FOXP1: variants seen among roughly 807,000 people sequenced by gnomAD.
FOXP1 encodes forkhead box protein P1.
A neutral mutation model predicts 98.2 loss-of-function variants in FOXP1; 15 were observed. The ratio of observed to expected loss-of-function variants is 0.15; its 90% CI spans 0.10 to 0.24. The LOEUF is 0.24. Ranked by LOEUF, FOXP1 falls within the 10% of genes least tolerant of loss-of-function variation. The pLI is 1.00. For missense variants in FOXP1, 633 were observed against 848.5 expected (o/e 0.75, Z 3.15); for synonymous variants, 371 against 314.5 (o/e 1.18, Z -1.90).
intron 4 of FOXP1, among the ~76,000 whole-genome samples, chr3:71,335,704 G>A (rs1176901587): frequency 3.3e-5 from 5 of 152,098 alleles, no homozygotes; most frequent in Non-Finnish European, 7.4e-5. Context: ...TCAATTCTCA[G>A]GTAAGAAATG....
intron 3 of FOXP1, among the ~76,000 whole-genome samples, chr3:71,445,993 G>C (rs971852991): frequency 2.6e-4 from 39 of 152,230 alleles, no homozygotes; most frequent in African/African-American, 8.2e-4. Flanking sequence ...CGGCCTATGT[G>C]TGTCTTTTAA....
At chr3:71,199,631 T>A (rs937709316) in intron 5 of FOXP1, among the ~76,000 whole-genome samples, 3 of 151,604 alleles carry the variant, frequency 2.0e-5, no homozygotes, top group African/African-American at 7.3e-5. Flanking sequence ...TCCCAGCTAC[T>A]CGGGAAGCTG....
chr3:71,008,250 C>T (rs1279021853), intron 12 of FOXP1, among the ~76,000 whole-genome samples: 2 of 152,054 alleles, frequency 1.3e-5, no homozygotes, highest in East Asian at 3.9e-4. Flanking sequence ...AAATCTACTC[C>T]TCATTTTGCC....
rs970926440 is a variant in FOXP1, at chr3:71,486,409, T to C, written c.-168+7017A>G. 6.6e-5 allele frequency among the ~76,000 whole-genome samples: 10 copies of C among 152,296 alleles called. No homozygotes were observed. In the South Asian group the frequency reaches 1.2e-3, roughly 19 times the overall value. ...TTCCAATCCATTGGATGGTGCTACATAGAATATCTGTAGGGAAAAATCCAA... is the reference window on the plus strand; with the variant it reads ...TTCCAATCCATTGGATGGTGCTACACAGAATATCTGTAGGGAAAAATCCAA... On this transcript the variant is annotated intron_variant, in intron 3 of 20. Coordinates refer to ENST00000649528, the MANE Select transcript of FOXP1 (RefSeq NM_001349338.3).
At chr3:71,303,849 G>A (rs1223409066) in intron 4 of FOXP1, among the ~76,000 whole-genome samples, 1 of 152,036 alleles carries the variant, frequency 6.6e-6, no homozygotes. Context: ...AAAAAGAAAG[G>A]AAAAGAATAA....
In FOXP1 at chr3:71,527,948, A is replaced by G. The variant is rs573097942; in HGVS notation, c.-297-34393T>C. 5.9e-5 allele frequency among the ~76,000 whole-genome samples: 9 copies of G among 152,368 alleles called. No homozygotes were observed. The South Asian group carries it at 1.9e-3, about 32-fold the overall frequency. On this transcript the variant is annotated intron_variant, in intron 2 of 20. Coordinates refer to ENST00000649528, the MANE Select transcript of FOXP1 (RefSeq NM_001349338.3). ...CTCACTATCCCATGTTTTAATTTTC[A>G]GACAGCAATTCTGCAGTAATGATAC...
At chr3:70,973,666 T>C (rs2036833454) in intron 17 of FOXP1, among the ~76,000 whole-genome samples, 1 of 152,142 alleles carries the variant, frequency 6.6e-6, no homozygotes, top group Non-Finnish European at 1.5e-5. Flanking sequence ...GAAGACATTC[T>C]AAAGAGATTC....
At chr3:70,965,505 C>G (rs2034562549) in intron 20 of FOXP1, among the ~76,000 whole-genome samples, 1 of 152,116 alleles carries the variant, frequency 6.6e-6, no homozygotes, top group Admixed American at 6.6e-5. Flanking sequence ...ACCAAGTAAA[C>G]AAGCATCTTT....
At chr3:71,461,896 G>T (rs1470922264) in intron 3 of FOXP1, among the ~76,000 whole-genome samples, 1 of 151,962 alleles carries the variant, frequency 6.6e-6, no homozygotes, top group African/African-American at 2.4e-5. Flanking sequence ...AGAGAAGATT[G>T]GCAGGGCTTG....
At chr3:71,579,576 T>G (rs1026473677) in intron 2 of FOXP1, among the ~76,000 whole-genome samples, 1 of 151,764 alleles carries the variant, frequency 6.6e-6, no homozygotes, top group Non-Finnish European at 1.5e-5. Context: ...ATTCCAAGAG[T>G]GGGCTGACAC....
intron 6 of FOXP1, among the ~76,000 whole-genome samples, chr3:71,191,229 T>C (rs2062960951): frequency 6.6e-6 from 1 of 152,240 alleles, no homozygotes; most frequent in Admixed American, 6.5e-5. Flanking sequence ...AGATAGGACC[T>C]GCCAGTTCTG....
rs144582541 is a variant in FOXP1 at position 71,490,067 on chromosome 3, T to C, written c.-168+3359A>G. ...GGTTGTTCAATAAACTGTAAAGTTC[T>C]AAAAGGCACAGGACTGTGAATAAAT... is the stretch of plus-strand genomic sequence containing the variant. On this transcript the variant is annotated intron_variant, in intron 3 of 20. Coordinates refer to ENST00000649528, the MANE Select transcript of FOXP1 (RefSeq NM_001349338.3). 6.2e-3 allele frequency among the ~76,000 whole-genome samples: 950 copies of C among 152,316 alleles called. 12 individuals are homozygous for C. Among genetic ancestry groups the C allele is most frequent in the African/African-American group, 0.021 (867 of 41,564 alleles).
intron 4 of FOXP1, among the ~76,000 whole-genome samples, chr3:71,306,296 T>C (rs1177537427): frequency 6.6e-6 from 1 of 151,960 alleles, no homozygotes; most frequent in Non-Finnish European, 1.5e-5. Flanking sequence ...AACTCACTCG[T>C]GGGGCGGGGG....
intron 6 of FOXP1, among the ~76,000 whole-genome samples, chr3:71,140,775 C>T (rs750095541): frequency 3.3e-5 from 5 of 151,846 alleles, no homozygotes; most frequent in East Asian, 1.9e-4. Flanking sequence ...AGGAACTTTT[C>T]GAAAGAGGAC....
chr3:71,422,370 A>G (rs1234609920), intron 3 of FOXP1, among the ~76,000 whole-genome samples: 3 of 152,228 alleles, frequency 2.0e-5, no homozygotes, highest in African/African-American at 2.4e-5. Context: ...TCACCTGGCC[A>G]TCTTGGCAAA....
intron 4 of FOXP1, among the ~76,000 whole-genome samples, chr3:71,351,332 A>G (rs2704814): frequency 0.22 from 33,809 of 152,036 alleles, 4,317 homozygotes; most frequent in Non-Finnish European, 0.29. Context: ...AACCAACAAG[A>G]CCTAAAATAT....
At chr3:71,289,593 C>T (rs978027408) in intron 5 of FOXP1, 2 of 152,126 alleles carry the variant, frequency 1.3e-5, no homozygotes, top group Non-Finnish European at 2.9e-5. Flanking sequence ...CATCTCTGAT[C>T]TTTCCTGTTC....
At chr3:71,414,194 AC>A (rs1290442813) in intron 3 of FOXP1, among the ~76,000 whole-genome samples, 2 of 151,666 alleles carry the variant, frequency 1.3e-5, no homozygotes, top group African/African-American at 2.4e-5. Flanking sequence ...ATTTCCAACC[AC>A]CTCCCTGAGA....
chr3:71,233,429 T>C (rs762800297), intron 5 of FOXP1, among the ~76,000 whole-genome samples: 1 of 152,004 alleles, frequency 6.6e-6, no homozygotes, highest in Non-Finnish European at 1.5e-5. Flanking sequence ...TTTTTGTTTT[T>C]GTTTTTGTTT....
Sources: allele counts gnomAD v4.1 joint callset (sites outside exome capture counted in the v4.1 genomes callset), GRCh38; gene constraint gnomAD v4.1.1; transcripts MANE v1.5; gene names NCBI Gene and HGNC (gene_info 2026-07-23, HGNC 2026-07-21).